The following SEMA4A variants were observed in gnomAD, a reference collection of about 807,000 sequenced individuals.
SEMA4A encodes the protein semaphorin 4A, also known as semaphorin-4A.
In SEMA4A, 52 loss-of-function variants were observed where a neutral mutation model predicts 72.5. The ratio of observed to expected loss-of-function variants is 0.72; its 90% CI spans 0.57 to 0.90. The LOEUF is 0.90. Among genes scored for constraint, SEMA4A ranks in the 40% least tolerant of loss-of-function variants. The probability of loss-of-function intolerance (pLI) is 0.00; values close to 1 mark genes in which losing one functional copy is unlikely to be tolerated. For missense variants in SEMA4A, 926 were observed against 959.7 expected, an observed-to-expected ratio of 0.96 and a Z score of 0.46; for synonymous variants, 369 against 393.1, an observed-to-expected ratio of 0.94 and a Z score of 0.73.
intron 10 of SEMA4A, among the ~76,000 whole-genome samples, chr1:156,167,475 CAAAAAAA>C (rs58793729): frequency 9.6e-6 from 1 of 103,632 alleles, no homozygotes; most frequent in Non-Finnish European, 2.0e-5. Flanking sequence ...GACCCTGTCT[CAAAAAAA>C]AAAAAAAAAA....
In SEMA4A at chr1:156,177,280, T is replaced by C. The variant is rs1655448785; in HGVS notation, c.*283T>C. 5.7e-6 allele frequency: 3 copies of C among 522,966 alleles called. No individual in the cohort carries two copies. In the East Asian group the frequency reaches 1.0e-4, roughly 18 times the overall value. The allele number at this position is 522,966 out of a possible 1,614,324, so 32.4% of individuals were successfully genotyped here. ...ATATTGAAGAACCTGGAGAGGATCC[T>C]TCAGTTCTGGCCATTCCAGGGACCC... On this transcript the variant is annotated 3_prime_UTR_variant, in exon 15 of 15. Coordinates refer to ENST00000368285, the MANE Select transcript of SEMA4A (RefSeq NM_022367.4).
rs1413225808 is a variant in SEMA4A, at chr1:156,157,879, C to T, written c.301-191C>T. On this transcript the variant is annotated intron_variant, in intron 3 of 14. Transcript: ENST00000368285. The surrounding 1 kb of genome is among the most constrained non-coding windows in gnomAD (Gnocchi z 4.5). ...CCTTAGGCTGTGTTCAACTATGGAG[C>T]TATGTCTGATACCAGTATTATTCAA... Among the ~76,000 whole-genome samples the T allele has an allele frequency of 1.2e-4, 18 of 152,182 alleles. No homozygotes were observed. The highest frequency in any genetic ancestry group is 1.1e-3 in the Admixed American group (17 of 15,280).
intron 10 of SEMA4A, among the ~76,000 whole-genome samples, chr1:156,169,483 G>C (rs369921133): frequency 7.0e-6 from 1 of 142,370 alleles, no homozygotes; most frequent in Non-Finnish European, 1.5e-5. Context: ...GCAGTGGTGC[G>C]ATCTCGGCTC....
At chr1:156,171,995 A>C (rs888900555) in intron 10 of SEMA4A, among the ~76,000 whole-genome samples, 1 of 152,052 alleles carries the variant, frequency 6.6e-6, no homozygotes, top group Non-Finnish European at 1.5e-5. Flanking sequence ...CATGTTAGCC[A>C]GGATGGTCTC....
intron 13 of SEMA4A, 53 bp downstream of exon 13, chr1:156,175,296 G>A (rs1655208621): frequency 5.8e-6 from 9 of 1,557,064 alleles, no homozygotes; most frequent in Non-Finnish European, 6.1e-6. Context: ...ACCCTTCTCA[G>A]CCAGCTTCTG....
At chr1:156,167,022 T>C (rs1219769892) in intron 10 of SEMA4A, among the ~76,000 whole-genome samples, 5 of 151,814 alleles carry the variant, frequency 3.3e-5, no homozygotes, top group Non-Finnish European at 5.9e-5. Flanking sequence ...TACCTCAGCC[T>C]CCTGAGTAAC....
Position 156,169,637 on chromosome 1 carries a change from G to A in SEMA4A, c.1135-3189G>A, listed in dbSNP as rs374287783. Among the ~76,000 whole-genome samples the A allele has an allele frequency of 4.0e-4, 60 of 150,402 alleles. No homozygotes were observed. In the South Asian group the frequency reaches 0.012, roughly 30 times the overall value. ...GGGTTTCACTGTGTTAGCCAGGATG[G>A]TCTCGATCTCCTGACCTCGTGATCC... On this transcript the variant is annotated intron_variant, in intron 10 of 14. Transcript: ENST00000368285.
chr1:156,163,720 CAAAAAAAAAAA>C (rs34408918), intron 10 of SEMA4A, among the ~76,000 whole-genome samples: 6 of 17,778 alleles, frequency 3.4e-4, no homozygotes, highest in East Asian at 2.0e-3. Context: ...GACTCAGTCT[CAAAAAAAAAAA>C]AAAAAAAAAA....
chr1:156,167,395 T>G (rs377679674), intron 10 of SEMA4A, among the ~76,000 whole-genome samples: 1 of 140,048 alleles, frequency 7.1e-6, no homozygotes, highest in Non-Finnish European at 1.5e-5. Flanking sequence ...AAGGGTGAAG[T>G]AGGAGGATCA....
At chr1:156,165,784 T>G (rs1654095356) in intron 10 of SEMA4A, among the ~76,000 whole-genome samples, 1 of 152,102 alleles carries the variant, frequency 6.6e-6, no homozygotes, top group African/African-American at 2.4e-5. Context: ...TTTCATGGTG[T>G]TGTGCTTTGA....
intron 10 of SEMA4A, 148 bp from the exon 11 acceptor site, chr1:156,172,678 A>T: frequency 2.6e-6 from 2 of 776,122 alleles, no homozygotes; most frequent in South Asian, 1.5e-5. Flanking sequence ...ACGCACAATC[A>T]GGCAGCTCCA....
intron 10 of SEMA4A, among the ~76,000 whole-genome samples, chr1:156,168,261 G>A (rs1654372691): frequency 1.4e-5 from 2 of 147,834 alleles, no homozygotes; most frequent in African/African-American, 5.0e-5. Flanking sequence ...TTGTTCTGTT[G>A]CCCAGGCTGG....
At chr1:156,171,260 C>A (rs1363620342) in intron 10 of SEMA4A, among the ~76,000 whole-genome samples, 1 of 152,156 alleles carries the variant, frequency 6.6e-6, no homozygotes, top group Non-Finnish European at 1.5e-5. Context: ...TCTTGGAGAA[C>A]AAGGATCCTG....
At chr1:156,167,475 CAAAAA>C (rs58793729) in intron 10 of SEMA4A, among the ~76,000 whole-genome samples, 12 of 103,598 alleles carry the variant, frequency 1.2e-4, no homozygotes, top group Non-Finnish European at 1.2e-4. Flanking sequence ...GACCCTGTCT[CAAAAA>C]AAAAAAAAAA....
chr1:156,161,826 A>G (rs1984508), intron 9 of SEMA4A, among the ~76,000 whole-genome samples: 96,480 of 152,110 alleles, frequency 0.63, 31,032 homozygotes, highest in African/African-American at 0.7. Context: ...TAAAAGGAGA[A>G]TATGAGAAGC....
chr1:156,168,540 G>T (rs1180533026), intron 10 of SEMA4A, among the ~76,000 whole-genome samples: 1 of 151,846 alleles, frequency 6.6e-6, no homozygotes, highest in Non-Finnish European at 1.5e-5. Flanking sequence ...GTTTTTGTTG[G>T]TTCTTCTTCT....
chr1:156,171,274 G>A (rs180928594), intron 10 of SEMA4A, among the ~76,000 whole-genome samples: 14 of 152,316 alleles, frequency 9.2e-5, no homozygotes, highest in Admixed American at 2.6e-4. Context: ...GATCCTGACT[G>A]AAGATCAAGA....
chr1:156,175,455 C>A, intron 13 of SEMA4A, 101 bp from the exon 14 acceptor site: 1 of 1,125,336 alleles, frequency 8.9e-7, no homozygotes, highest in South Asian at 1.3e-5. Flanking sequence ...CCTAGTCTCC[C>A]CTGGCCTACC....
chr1:156,168,895 C>A (rs1323500048), intron 10 of SEMA4A, among the ~76,000 whole-genome samples: 1 of 152,170 alleles, frequency 6.6e-6, no homozygotes, highest in African/African-American at 2.4e-5. Context: ...TGTCTGGGAG[C>A]CACAGGGGAA....
Sources: allele counts gnomAD v4.1 joint callset (sites outside exome capture counted in the v4.1 genomes callset), GRCh38; gene constraint gnomAD v4.1.1; non-coding constraint Gnocchi (gnomAD v3.1); transcripts MANE v1.5; gene names NCBI Gene and HGNC (gene_info 2026-07-23, HGNC 2026-07-21).